The following NECTIN1 variants were observed in gnomAD, a reference collection of about 807,000 sequenced individuals.
The protein encoded by NECTIN1 is nectin-1.
NECTIN1 carries 23 observed loss-of-function variants against 48.0 expected under a neutral mutation model. The observed-to-expected ratio is 0.48, with a 90% confidence interval of 0.34 to 0.68. The LOEUF (loss-of-function observed/expected upper bound fraction) is 0.68. Among genes scored for constraint, NECTIN1 ranks in the 30% least tolerant of loss-of-function variants. The probability of loss-of-function intolerance (pLI) is 0.01; values close to 1 mark genes in which losing one functional copy is unlikely to be tolerated. For missense variants in NECTIN1, 591 were observed against 709.9 expected (o/e 0.83, Z 1.90); for synonymous variants, 270 against 288.9 (o/e 0.93, Z 0.66).
chr11:119,681,760 G>C (rs1865063720), intron 1 of NECTIN1, among the ~76,000 whole-genome samples: 1 of 152,202 alleles, frequency 6.6e-6, no homozygotes, highest in African/African-American at 2.4e-5. Flanking sequence ...AGTGAAGGAC[G>C]TTCCCAGCCT....
chr11:119,682,403 T>C (rs1458315972), intron 1 of NECTIN1, among the ~76,000 whole-genome samples: 1 of 152,158 alleles, frequency 6.6e-6, no homozygotes, highest in Non-Finnish European at 1.5e-5. Flanking sequence ...CTTGCCAAGC[T>C]TCTCCAGACA....
Position 119,665,247 on chromosome 11 carries a change from C to T in NECTIN1, c.1054G>A (p.Val352Met). Residue 352 changes from valine (V) to methionine (M), a missense_variant, in exon 6 of 6, where the codon GTG becomes ATG. Transcript: ENST00000264025. The surrounding 1 kb of genome is among the most constrained non-coding windows in gnomAD (Gnocchi z 5.1). ...PPEHGRRAGP[V>M]PTAIIGGVAG... ...ACGCCCCCAATGATGGCCGTGGGCA[C>T]CGGCCCGGCGCGCCGCCCATGTTCG... 6.3e-7 allele frequency: 1 copy of T among 1,599,562 alleles called. No homozygotes were observed. Among genetic ancestry groups the T allele is most frequent in the Non-Finnish European group, 8.5e-7 (1 of 1,177,570 alleles).
Position 119,677,173 on chromosome 11 carries a change from C to T in NECTIN1, c.780G>A (p.Leu260=). 4.3e-6 allele frequency: 7 copies of T among 1,614,146 alleles called. No homozygotes were observed. Among genetic ancestry groups the T allele is most frequent in the Non-Finnish European group, 2.5e-6 (3 of 1,180,024 alleles). The change falls in exon 4 of 6, where the codon CTG becomes CTA. Residue 260 remains leucine (L), a synonymous_variant. Coordinates refer to ENST00000264025, the MANE Select transcript of NECTIN1 (RefSeq NM_002855.5). This position sits in a 1 kb window ranked among gnomAD's most constrained non-coding sequence, Gnocchi z 5.4. ...AGGTGAGCTTCACGTCCATCCGCTG[C>T]AGGTACCAGTTGCCATCAAACCCCT... is the stretch of plus-strand genomic sequence containing the variant. ...TIEGFDGNWY[L]QRMDVKLTCK... is the part of the protein sequence containing the mutation.
chr11:119,651,759 G>A (rs1008834527), intron 5 of NECTIN1, among the ~76,000 whole-genome samples: 2 of 152,144 alleles, frequency 1.3e-5, no homozygotes, highest in African/African-American at 2.4e-5. Context: ...AGTAGATCAT[G>A]GAGATGGAGT....
intron 1 of NECTIN1, chr11:119,714,001 C>T (rs540999523): frequency 7.8e-6 from 3 of 384,396 alleles, no homozygotes; most frequent in South Asian, 3.8e-5. Context: ...GTGGCCCCCC[C>T]CTTGGTATTC....
intron 5 of NECTIN1, chr11:119,640,226 A>G (rs1591433816): frequency 1.7e-6 from 1 of 603,892 alleles, no homozygotes; most frequent in Admixed American, 2.8e-5. Flanking sequence ...CTGTAACCCC[A>G]CACCCTGCTC....
chr11:119,690,100 C>A (rs1865227362), intron 1 of NECTIN1, among the ~76,000 whole-genome samples: 1 of 152,194 alleles, frequency 6.6e-6, no homozygotes, highest in African/African-American at 2.4e-5. Context: ...GGCCTTGGCA[C>A]AAGGTGCTCA....
intron 5 of NECTIN1, among the ~76,000 whole-genome samples, chr11:119,649,248 G>T (rs1379095449): frequency 6.6e-6 from 1 of 152,082 alleles, no homozygotes; most frequent in Admixed American, 6.5e-5. Flanking sequence ...GGGCATGGTG[G>T]CGTGCGCCTG....
rs145565731 is a variant in NECTIN1, at chr11:119,717,526, G to A, written c.79+10949C>T. 4.6e-5 allele frequency among the ~76,000 whole-genome samples: 7 copies of A among 152,270 alleles called. No individual in the cohort carries two copies. In the East Asian group the frequency reaches 1.4e-3, roughly 29 times the overall value. Reference sequence around the variant, plus strand: ...CAATGAGATTGGGACAGTTCAGGGGGTGGGGGAGGTGGGCAATCACGATAA... The same window carrying A: ...CAATGAGATTGGGACAGTTCAGGGGATGGGGGAGGTGGGCAATCACGATAA... On this transcript the variant is annotated intron_variant, in intron 1 of 5. Transcript: ENST00000264025.
Position 119,661,361 on chromosome 11 carries a change from TGGCAGCAGC to T in NECTIN1, c.*3377_*3385del, listed in dbSNP as rs1228181884. The T allele has an allele frequency of 1.0e-6, 1 of 986,422 alleles. No homozygotes were observed. The highest frequency in any genetic ancestry group is 1.7e-5 in the African/African-American group (1 of 57,246). 61.1% of individuals were successfully genotyped at this position (986,422 alleles called of 1,614,324 possible). Reference sequence around the variant, plus strand: ...ACAAGCTGGGCAGTGTTGGCAGCAGTGGCAGCAGCAGAGGGGCCTGCCTCCTGGCATCCC... The same window carrying T: ...ACAAGCTGGGCAGTGTTGGCAGCAGTAGAGGGGCCTGCCTCCTGGCATCCC... On this transcript the variant is annotated 3_prime_UTR_variant, in exon 6 of 6. Transcript: ENST00000264025.
At chr11:119,706,414 C>G (rs1865549498) in intron 1 of NECTIN1, among the ~76,000 whole-genome samples, 1 of 152,128 alleles carries the variant, frequency 6.6e-6, no homozygotes, top group South Asian at 2.1e-4. Context: ...CCCAACTCAC[C>G]CCCCAGCGCC....
chr11:119,720,440 C>CA (rs1443947251), intron 1 of NECTIN1, among the ~76,000 whole-genome samples: 2 of 152,264 alleles, frequency 1.3e-5, no homozygotes, highest in African/African-American at 4.8e-5. Context: ...ACATCTGCCC[C>CA]AGCAGATTGG....
intron 1 of NECTIN1, among the ~76,000 whole-genome samples, chr11:119,693,999 G>A (rs1009801793): frequency 1.3e-5 from 2 of 152,150 alleles, no homozygotes; most frequent in Admixed American, 1.3e-4. Flanking sequence ...CTAAAATATT[G>A]TGGGTGAATT....
intron 1 of NECTIN1, among the ~76,000 whole-genome samples, chr11:119,714,129 C>G (rs917059863): frequency 6.6e-6 from 1 of 152,148 alleles, no homozygotes; most frequent in Non-Finnish European, 1.5e-5. Flanking sequence ...ACCAAAGAAG[C>G]AAAGAGGCAG....
chr11:119,679,405 A>G (rs2135553192), intron 1 of NECTIN1, among the ~76,000 whole-genome samples: 1 of 152,294 alleles, frequency 6.6e-6, no homozygotes, highest in East Asian at 1.9e-4. Flanking sequence ...CTCGCAGCTG[A>G]GTCCCCATCC....
At chr11:119,694,701 C>T (rs1865312783) in intron 1 of NECTIN1, among the ~76,000 whole-genome samples, 1 of 152,154 alleles carries the variant, frequency 6.6e-6, no homozygotes, top group Non-Finnish European at 1.5e-5. Flanking sequence ...GAGGGGAACC[C>T]TGGAGGAAGA....
At chr11:119,651,744 A>G (rs1159451892) in intron 5 of NECTIN1, among the ~76,000 whole-genome samples, 2 of 152,082 alleles carry the variant, frequency 1.3e-5, no homozygotes, top group Non-Finnish European at 2.9e-5. Context: ...CTCAGGATCA[A>G]TTGCAGTAGA....
intron 5 of NECTIN1, chr11:119,674,571 C>T (rs536336096): frequency 2.4e-5 from 38 of 1,614,218 alleles, no homozygotes; most frequent in South Asian, 1.9e-4. Flanking sequence ...GCTCCTTTCA[C>T]GTCCCAGGTG....
rs750571761 is a variant in NECTIN1, at chr11:119,661,181, G to A, written c.*3566C>T. On this transcript the variant is annotated 3_prime_UTR_variant, in exon 6 of 6. Coordinates refer to ENST00000264025, the MANE Select transcript of NECTIN1 (RefSeq NM_002855.5). ...CGACAAGACGCCGAAGCAAGGTAGC[G>A]CATCACGCTGGGAGGGGAGGGTGGC... 1.4e-5 allele frequency: 14 copies of A among 985,712 alleles called. No homozygotes were observed. The highest frequency in any genetic ancestry group is 1.2e-4 in the Admixed American group (2 of 16,268). The allele number at this position is 985,712 out of a possible 1,614,324, so 61.1% of individuals were successfully genotyped here.
Sources: allele counts gnomAD v4.1 joint callset (sites outside exome capture counted in the v4.1 genomes callset), GRCh38; gene constraint gnomAD v4.1.1; non-coding constraint Gnocchi (gnomAD v3.1); transcripts MANE v1.5; gene names NCBI Gene and HGNC (gene_info 2026-07-23, HGNC 2026-07-21).